MRTFB: variants seen among roughly 807,000 people sequenced by gnomAD.
The protein encoded by MRTFB is myocardin related transcription factor B, also known as myocardin-related transcription factor B.
In MRTFB, 29 loss-of-function variants were observed where a neutral mutation model predicts 104.2. That is an observed-to-expected ratio of 0.28 (90% CI 0.21 to 0.38). The LOEUF (loss-of-function observed/expected upper bound fraction) is 0.38, where lower values mean the gene tolerates loss of function less well. MRTFB is among the 10% of genes least tolerant of loss of function. The pLI, the probability that MRTFB is intolerant of heterozygous loss-of-function variation, is 1.00. For synonymous variants in MRTFB, 535 were observed against 519.5 expected (o/e 1.03, Z -0.41); for missense variants, 1,270 against 1,341.6 (o/e 0.95, Z 0.83).
the MRTFB span, among the ~76,000 whole-genome samples, chr16:14,063,878 G>C: frequency 6.6e-6 from 1 of 152,204 alleles, no homozygotes; most frequent in Non-Finnish European, 1.5e-5. Flanking sequence ...GTATACTGTT[G>C]ATGTGCATTT....
At chr16:14,222,094 T>C (rs914987132) in intron 8 of MRTFB, among the ~76,000 whole-genome samples, 4 of 152,140 alleles carry the variant, frequency 2.6e-5, no homozygotes, top group African/African-American at 9.7e-5. Flanking sequence ...TAATTTTCGA[T>C]GCATGTGGAC....
chr16:14,106,564 G>C (rs2035988810), intron 2 of MRTFB, among the ~76,000 whole-genome samples: 1 of 152,194 alleles, frequency 6.6e-6, no homozygotes, highest in South Asian at 2.1e-4. Context: ...TGGGGTTGCT[G>C]TGAGGATTAA....
At chr16:14,227,932 T>G (rs2042082738) in intron 8 of MRTFB, among the ~76,000 whole-genome samples, 2 of 150,708 alleles carry the variant, frequency 1.3e-5, no homozygotes, top group Non-Finnish European at 3.0e-5. Context: ...TTGAATGTGG[T>G]TTTTGTTGCA....
chr16:14,229,839 C>G (rs930224231), intron 8 of MRTFB, among the ~76,000 whole-genome samples: 1 of 152,060 alleles, frequency 6.6e-6, no homozygotes, highest in Non-Finnish European at 1.5e-5. Flanking sequence ...AGATCTGGCC[C>G]TCGTGAGACC....
At chr16:14,225,301 T>A (rs1369626830) in intron 8 of MRTFB, among the ~76,000 whole-genome samples, 1 of 152,230 alleles carries the variant, frequency 6.6e-6, no homozygotes, top group Non-Finnish European at 1.5e-5. Flanking sequence ...CATTAAAAAT[T>A]ACAAATCTAT....
At position 14,262,381 on chromosome 16, in the gene MRTFB, A is replaced by G. The variant is rs2043809253; in HGVS notation, c.*937A>G. The G allele has an allele frequency of 6.6e-6, 1 of 152,232 alleles. No homozygotes were observed. The highest frequency in any genetic ancestry group is 1.5e-5 in the Non-Finnish European group (1 of 68,048). 9.4% of individuals were successfully genotyped at this position (152,232 alleles called of 1,614,324 possible). On this transcript the variant is annotated 3_prime_UTR_variant, in exon 17 of 17. Transcript: ENST00000571589. ...AGAATTGCTGACTAACTTTCAGGTA[A>G]CCAGACCCATCTCAAAGAACCAAGA...
chr16:14,147,863 A>G (rs781640413), intron 3 of MRTFB, among the ~76,000 whole-genome samples: 2 of 152,216 alleles, frequency 1.3e-5, no homozygotes, highest in Non-Finnish European at 2.9e-5. Flanking sequence ...ATTTATTAAC[A>G]GTAAGATTTA....
At chr16:14,200,279 A>G (rs2040624754) in intron 3 of MRTFB, 5 of 1,554,354 alleles carry the variant, frequency 3.2e-6, no homozygotes, top group East Asian at 2.3e-5. Flanking sequence ...AGAAAGAGCT[A>G]GATTCTGAGT....
upstream of MRTFB, among the ~76,000 whole-genome samples, chr16:14,067,441 T>C (rs369298840): frequency 1.4e-4 from 21 of 152,238 alleles, no homozygotes; most frequent in African/African-American, 4.3e-4. Flanking sequence ...CAGGCTGGTC[T>C]TGAACTCCTG....
intron 3 of MRTFB, among the ~76,000 whole-genome samples, chr16:14,161,712 A>G (rs756395919): frequency 2.6e-5 from 4 of 152,194 alleles, no homozygotes; most frequent in Non-Finnish European, 5.9e-5. Flanking sequence ...CTTCTTTAGC[A>G]TATAGAAGGA....
intron 2 of MRTFB, among the ~76,000 whole-genome samples, chr16:14,130,594 C>T (rs1050881882): frequency 6.6e-6 from 1 of 152,186 alleles, no homozygotes; most frequent in Non-Finnish European, 1.5e-5. Context: ...TTTGCCAATA[C>T]TGTGTACGTG....
intron 3 of MRTFB, among the ~76,000 whole-genome samples, chr16:14,168,439 G>C (rs1473397822): frequency 1.3e-5 from 2 of 152,088 alleles, no homozygotes; most frequent in East Asian, 1.9e-4. Context: ...TTGTGGTTTT[G>C]TTCACCATTT....
upstream of MRTFB, among the ~76,000 whole-genome samples, chr16:14,070,523 T>C (rs531267640): frequency 6.6e-6 from 1 of 152,304 alleles, no homozygotes; most frequent in East Asian, 1.9e-4. Flanking sequence ...CGCATAAAAA[T>C]AGTCACACAG....
chr16:14,249,697 C>T (rs964546500), intron 13 of MRTFB, among the ~76,000 whole-genome samples: 2 of 152,206 alleles, frequency 1.3e-5, no homozygotes, highest in African/African-American at 4.8e-5. Flanking sequence ...AAAAAATTCT[C>T]CCGCATTCCC....
chr16:14,247,608 A>G, intron 12 of MRTFB, 101 bp downstream of exon 12: 2 of 1,062,676 alleles, frequency 1.9e-6, no homozygotes, highest in Non-Finnish European at 2.6e-6. Flanking sequence ...AAATGCGTCC[A>G]GAGCAGACCC....
intron 3 of MRTFB, among the ~76,000 whole-genome samples, chr16:14,167,046 A>G (rs1015358963): frequency 6.6e-5 from 10 of 152,222 alleles, no homozygotes; most frequent in Non-Finnish European, 1.0e-4. Context: ...TGCTAGGTCA[A>G]ATGGTATTTC....
chr16:14,095,428 T>G (rs1438878444), intron 2 of MRTFB, among the ~76,000 whole-genome samples: 3 of 152,236 alleles, frequency 2.0e-5, no homozygotes, highest in Non-Finnish European at 4.4e-5. Flanking sequence ...GCCTGTAAAA[T>G]GCTCCATTAT....
the MRTFB span, among the ~76,000 whole-genome samples, chr16:14,025,806 A>G: frequency 1.3e-5 from 2 of 152,258 alleles, no homozygotes. Context: ...ATGCAAAAAA[A>G]TGTATCATTT....
At chr16:14,127,930 T>TATATATATATATATATATATATATATATA (rs1491428460) in intron 2 of MRTFB, among the ~76,000 whole-genome samples, 1 of 31,694 alleles carries the variant, frequency 3.2e-5, no homozygotes, top group African/African-American at 2.7e-4. Context: ...TATATATATA[T>TATATATATATATATATATATATATATATA]TTTTTTTTTT....
Sources: gnomAD v4.1 joint callset for allele counts (sites outside exome capture counted in the v4.1 genomes callset) on GRCh38, gnomAD v4.1.1 for gene constraint, MANE v1.5 for transcripts, NCBI Gene and HGNC (gene_info 2026-07-23, HGNC 2026-07-21) for gene names.